TBC1D5: variants seen among roughly 807,000 people sequenced by gnomAD.
The protein encoded by TBC1D5 is TBC1 domain family, member 5.
Under a neutral mutation model 100.3 loss-of-function variants are expected in TBC1D5, and 75 were observed. The observed-to-expected ratio is 0.75, with a 90% CI of 0.62 to 0.91. TBC1D5 has a LOEUF of 0.91. Among genes scored for constraint, TBC1D5 ranks in the 40% least tolerant of loss-of-function variants. The pLI is 0.00. For synonymous variants in TBC1D5, 323 were observed against 325.6 expected, an observed-to-expected ratio of 0.99 and a Z score of 0.09; for missense variants, 910 against 942.4, an observed-to-expected ratio of 0.97 and a Z score of 0.45.
At chr3:17,369,378 T>A (rs1275839943) in intron 13 of TBC1D5, among the ~76,000 whole-genome samples, 1 of 152,204 alleles carries the variant, frequency 6.6e-6, no homozygotes, top group Middle Eastern at 3.2e-3. Flanking sequence ...AAATGTATAC[T>A]ACATACTGAG....
intron 7 of TBC1D5, among the ~76,000 whole-genome samples, 179 bp downstream of exon 7, chr3:17,404,515 C>A (rs2093720034): frequency 6.6e-6 from 1 of 152,010 alleles, no homozygotes; most frequent in Non-Finnish European, 1.5e-5. Flanking sequence ...AAATTTTCTA[C>A]AACACAGTAT....
chr3:17,690,846 G>A (rs2071047595), intron 1 of TBC1D5, among the ~76,000 whole-genome samples: 1 of 152,084 alleles, frequency 6.6e-6, no homozygotes, highest in South Asian at 2.1e-4. Flanking sequence ...CAAAAAGGGG[G>A]GACTGCTGCT....
chr3:17,266,080 C>T (rs183659652), intron 15 of TBC1D5, among the ~76,000 whole-genome samples: 1 of 152,150 alleles, frequency 6.6e-6, no homozygotes, highest in East Asian at 1.9e-4. Context: ...TCTCCTAAAG[C>T]CTAAGATATT....
At chr3:17,501,445 T>C (rs1374940754) in intron 3 of TBC1D5, among the ~76,000 whole-genome samples, 3 of 149,236 alleles carry the variant, frequency 2.0e-5, no homozygotes, top group Non-Finnish European at 2.9e-5. Flanking sequence ...CACATAACAT[T>C]TTAGATTATT....
At chr3:17,364,818 G>A (rs1352162094) in intron 13 of TBC1D5, among the ~76,000 whole-genome samples, 2 of 152,032 alleles carry the variant, frequency 1.3e-5, no homozygotes, top group African/African-American at 4.8e-5. Flanking sequence ...TTAATAGCCA[G>A]GAATTTTGCA....
At chr3:17,591,349 C>T (rs1483889719) in intron 2 of TBC1D5, among the ~76,000 whole-genome samples, 1 of 145,312 alleles carries the variant, frequency 6.9e-6, no homozygotes, top group South Asian at 2.2e-4. Context: ...TGAATGAAAG[C>T]AAGGCCAGGT....
chr3:17,738,088 T>TCTTG (rs2077102555), intron 1 of TBC1D5, among the ~76,000 whole-genome samples: 2 of 152,248 alleles, frequency 1.3e-5, no homozygotes, highest in Non-Finnish European at 2.9e-5. Flanking sequence ...AAGACATGTT[T>TCTTG]TTTTCTACAG....
In TBC1D5 at chr3:17,523,614, G is replaced by A. The variant is rs189695466; in HGVS notation, c.-35-15009C>T. ...GGACAATAAAATAGTAAATACCTAC[G>A]TTTGCAACAGAGAAAGCTGCACTGA... On this transcript the variant is annotated intron_variant, in intron 2 of 21. Transcript: ENST00000253692. Among the ~76,000 whole-genome samples the A allele has an allele frequency of 3.9e-5, 6 of 152,222 alleles. No individual in the cohort carries two copies. The East Asian group carries it at 7.7e-4, about 20-fold the overall frequency.
chr3:17,167,863 C>A, intron 19 of TBC1D5, 35 bp from the exon 21 acceptor site: 2 of 1,483,356 alleles, frequency 1.3e-6, no homozygotes, highest in African/African-American at 1.4e-5. Context: ...ATAACCAATG[C>A]TCTGAGCATA....
chr3:17,332,273 CA>C (rs2086987090), intron 13 of TBC1D5, among the ~76,000 whole-genome samples: 1 of 152,072 alleles, frequency 6.6e-6, no homozygotes, highest in Non-Finnish European at 1.5e-5. Flanking sequence ...TAAAGGAATC[CA>C]GATGATTCCT....
chr3:17,447,525 G>A (rs139163478), intron 3 of TBC1D5, among the ~76,000 whole-genome samples: 1 of 152,332 alleles, frequency 6.6e-6, no homozygotes, highest in East Asian at 1.9e-4. Context: ...AGATGTAGTT[G>A]CAGGTAACTC....
intron 3 of TBC1D5, among the ~76,000 whole-genome samples, chr3:17,455,424 ATGTGTGTATG>A (rs1216795221): frequency 1.4e-5 from 2 of 145,478 alleles, no homozygotes; most frequent in East Asian, 2.0e-4. Context: ...ATATGTATAT[ATGTGTGTATG>A]TGTGTGTATA....
chr3:17,457,901 C>T (rs980940937), intron 3 of TBC1D5, among the ~76,000 whole-genome samples: 1 of 152,148 alleles, frequency 6.6e-6, no homozygotes, highest in Admixed American at 6.5e-5. Context: ...TTTGTTACTT[C>T]TACGCTACAC....
chr3:17,230,381 T>C (rs917595067), intron 17 of TBC1D5, among the ~76,000 whole-genome samples: 24 of 152,146 alleles, frequency 1.6e-4, no homozygotes, highest in African/African-American at 5.8e-4. Context: ...CAATTTAATA[T>C]ATATTTTTTT....
chr3:17,481,650 C>A (rs2095503670), intron 3 of TBC1D5, among the ~76,000 whole-genome samples: 1 of 152,222 alleles, frequency 6.6e-6, no homozygotes, highest in Non-Finnish European at 1.5e-5. Flanking sequence ...TGCCACTCTT[C>A]GTAAGAATAA....
At chr3:17,577,026 T>C (rs1390191915) in intron 2 of TBC1D5, among the ~76,000 whole-genome samples, 1 of 152,028 alleles carries the variant, frequency 6.6e-6, no homozygotes, top group East Asian at 1.9e-4. Flanking sequence ...GAATTTTTTC[T>C]TGCCACTGAA....
Position 17,485,740 on chromosome 3 carries a change from A to G in TBC1D5, c.97+22734T>C, listed in dbSNP as rs1345606087. On this transcript the variant is annotated intron_variant, in intron 3 of 21. Transcript: ENST00000253692. ...CCACATTTTCTTAATCCAGTCTATCATTGTTGGACATTTGGGTTGGTTCCA... is the reference window on the plus strand; with the variant it reads ...CCACATTTTCTTAATCCAGTCTATCGTTGTTGGACATTTGGGTTGGTTCCA... 7.2e-5 allele frequency among the ~76,000 whole-genome samples: 11 copies of G among 151,794 alleles called. No homozygotes were observed. In the East Asian group the frequency reaches 1.5e-3, roughly 21 times the overall value.
intron 2 of TBC1D5, among the ~76,000 whole-genome samples, chr3:17,577,249 C>T (rs919172955): frequency 6.6e-6 from 1 of 151,908 alleles, no homozygotes; most frequent in Non-Finnish European, 1.5e-5. Flanking sequence ...CTGCAAAAAG[C>T]GATTCCAACT....
chr3:17,214,130 C>T, intron 18 of TBC1D5, 77 bp downstream of exon 19: 1 of 1,458,232 alleles, frequency 6.9e-7, no homozygotes, highest in Non-Finnish European at 9.2e-7. Context: ...AAACTGGGCA[C>T]TAACAGAGCT....
Sources: allele counts gnomAD v4.1 joint callset (sites outside exome capture counted in the v4.1 genomes callset), GRCh38; gene constraint gnomAD v4.1.1; transcripts MANE v1.5; gene names NCBI Gene and HGNC (gene_info 2026-07-23, HGNC 2026-07-21).